The following CHD6 variants were observed in gnomAD, a reference collection of about 807,000 sequenced individuals.
The protein encoded by CHD6 is ATP-dependent chromatin remodeler CHD6.
CHD6 carries 50 observed loss-of-function variants against 276.9 expected under a neutral mutation model. The ratio of observed to expected loss-of-function variants is 0.18; its 90% confidence interval spans 0.14 to 0.23. CHD6 has a LOEUF of 0.23. Ranked by LOEUF, CHD6 falls within the 10% of genes least tolerant of loss-of-function variation. The pLI is 1.00. For missense variants in CHD6, 2,564 were observed against 3,365.8 expected, an observed-to-expected ratio of 0.76 and a Z score of 5.89; for synonymous variants, 1,173 against 1,229.3, an observed-to-expected ratio of 0.95 and a Z score of 0.96.
intron 1 of CHD6, among the ~76,000 whole-genome samples, chr20:41,565,666 T>TG (rs11467000): frequency 6.6e-6 from 1 of 152,080 alleles, no homozygotes; most frequent in African/African-American, 2.4e-5. Context: ...AATAATTAGA[T>TG]TTCCTGGATT....
intron 1 of CHD6, among the ~76,000 whole-genome samples, chr20:41,597,344 C>T (rs540894009): frequency 6.6e-5 from 10 of 152,244 alleles, no homozygotes; most frequent in African/African-American, 2.4e-4. Flanking sequence ...TATTTAAATT[C>T]CACTACGGAC....
Position 41,473,203 on chromosome 20 carries a change from T to TC in CHD6, c.2664+118dup, listed in dbSNP as rs1327137267. 1 of 909,728 alleles carries TC rather than the reference T, an allele frequency of 1.1e-6. No homozygotes were observed. The highest frequency in any genetic ancestry group is 1.7e-5 in the African/African-American group (1 of 60,068). 56.4% of individuals were successfully genotyped at this position (909,728 alleles called of 1,614,324 possible). A position where few individuals can be genotyped will look rare whatever the true frequency, so the allele number is the denominator to read the frequency against. On this transcript the variant is annotated intron_variant, in intron 17 of 36. Coordinates refer to ENST00000373233, the MANE Select transcript of CHD6 (RefSeq NM_032221.5). This position sits in a 1 kb window ranked among gnomAD's most constrained non-coding sequence, Gnocchi z 4.1. ...CCCCCTGACCAAGGCCCTAAGCCTGTCATCCAGCTGACACCATAGCATAGA... is the reference window on the plus strand; with the variant it reads ...CCCCCTGACCAAGGCCCTAAGCCTGTCCATCCAGCTGACACCATAGCATAGA...
intron 1 of CHD6, among the ~76,000 whole-genome samples, chr20:41,552,953 T>C (rs2045168229): frequency 6.6e-6 from 1 of 152,212 alleles, no homozygotes; most frequent in African/African-American, 2.4e-5. Flanking sequence ...TAGTGTTTGA[T>C]AGGACAGTTA....
intron 1 of CHD6, among the ~76,000 whole-genome samples, 172 bp downstream of exon 1, chr20:41,618,168 G>C (rs2045954690): frequency 1.3e-5 from 2 of 150,622 alleles, no homozygotes; most frequent in South Asian, 4.1e-4. Flanking sequence ...CCCGCCCGCC[G>C]GCCCCGCTCG....
At chr20:41,505,534 C>T (rs768474528) in intron 5 of CHD6, among the ~76,000 whole-genome samples, 15 of 152,166 alleles carry the variant, frequency 9.9e-5, no homozygotes, top group Non-Finnish European at 1.6e-4. Flanking sequence ...AGCCAGCCAT[C>T]GTCAGCCCAC....
At chr20:41,544,907 C>G (rs1232150842) in intron 2 of CHD6, among the ~76,000 whole-genome samples, 3 of 152,058 alleles carry the variant, frequency 2.0e-5, no homozygotes, top group Admixed American at 2.0e-4. Context: ...AATAAATGTA[C>G]TGGCAAACTA....
In CHD6 at chr20:41,415,370, A is replaced by C. The variant is rs2145421416; in HGVS notation, c.6755T>G (p.Leu2252Arg). Residue 2252 changes from leucine (L) to arginine (R), a missense_variant, in exon 34 of 37, where the codon CTT becomes CGT. Physicochemically the swap from Leu to Arg is moderately radical, Grantham distance 102. Transcript: ENST00000373233. ...CAGAATCCCAGACAAGTCCATGCCA[A>C]GGGCTCCCTGAAGTGAACTGATAGC... is the stretch of plus-strand genomic sequence containing the variant. ...IGAISSLQGA[L>R]GMDLSGILQA... 6.2e-7 allele frequency: 1 copy of C among 1,614,074 alleles called. No individual in the cohort carries two copies.
intron 3 of CHD6, among the ~76,000 whole-genome samples, chr20:41,532,553 A>G (rs2044713265): frequency 6.6e-6 from 1 of 152,206 alleles, no homozygotes; most frequent in African/African-American, 2.4e-5. Context: ...TAACATTTTA[A>G]TTCTTTTTAG....
chr20:41,451,127 G>A (rs777288601), intron 22 of CHD6, 22 bp from the exon 23 acceptor site: 13 of 1,608,960 alleles, frequency 8.1e-6, no homozygotes, highest in Admixed American at 5.0e-5. Context: ...AGACAGCATA[G>A]GGCAAGTGGA....
intron 16 of CHD6, among the ~76,000 whole-genome samples, chr20:41,474,983 A>C (rs914937818): frequency 1.3e-5 from 2 of 152,220 alleles, no homozygotes; most frequent in African/African-American, 4.8e-5. Context: ...AAGAATAATA[A>C]ATGAGAACTA....
intron 3 of CHD6, among the ~76,000 whole-genome samples, chr20:41,528,849 T>C (rs1434749251): frequency 6.6e-6 from 1 of 152,228 alleles, no homozygotes; most frequent in East Asian, 1.9e-4. Context: ...TGTTCAATAA[T>C]CTGCTTGTTG....
chr20:41,567,362 ACT>A (rs1487801363), intron 1 of CHD6, among the ~76,000 whole-genome samples: 1 of 152,112 alleles, frequency 6.6e-6, no homozygotes, highest in African/African-American at 2.4e-5. Context: ...GCATACACAC[ACT>A]GTTTATGATT....
intron 1 of CHD6, among the ~76,000 whole-genome samples, chr20:41,578,802 G>A (rs562386546): frequency 6.6e-6 from 1 of 151,974 alleles, no homozygotes; most frequent in South Asian, 2.1e-4. Context: ...GCTGAGGTGG[G>A]AGGATCACTT....
At chr20:41,551,180 A>G in intron 2 of CHD6, 125 bp downstream of exon 2, 1 of 692,450 alleles carries the variant, frequency 1.4e-6, no homozygotes, top group South Asian at 1.6e-5. Flanking sequence ...CTCAGTTACT[A>G]TAATACAGGC....
chr20:41,456,214 C>G (rs1273591543), intron 18 of CHD6, among the ~76,000 whole-genome samples: 2 of 151,920 alleles, frequency 1.3e-5, no homozygotes, highest in Non-Finnish European at 2.9e-5. Context: ...ATCCAAGGTC[C>G]CTAACATTCT....
intron 31 of CHD6, among the ~76,000 whole-genome samples, chr20:41,419,708 G>A (rs1376116070): frequency 6.6e-6 from 1 of 151,888 alleles, no homozygotes; most frequent in African/African-American, 2.4e-5. Flanking sequence ...CAGTGGACCA[G>A]GCATGAAAGG....
At position 41,579,129 on chromosome 20, in the gene CHD6, CAAAAAAAA is replaced by C. The variant is rs58395642; in HGVS notation, c.-23-27777_-23-27770del. Among the ~76,000 whole-genome samples, 5 of 42,826 alleles carry C rather than the reference CAAAAAAAA, an allele frequency of 1.2e-4. No homozygotes were observed. In the East Asian group the frequency reaches 1.9e-3, roughly 16 times the overall value. 28.1% of individuals were successfully genotyped at this position (42,826 alleles called of 152,430 possible). The stretch of plus-strand genomic sequence containing the variant: ...TGGGCAACAGAACGAGACTCCATCT[CAAAAAAAA>C]AAAAAAAAAAAAAAAAGTGCCAGGT... On this transcript the variant is annotated intron_variant, in intron 1 of 36. Transcript: ENST00000373233.
At chr20:41,613,243 A>G (rs917476536) in intron 1 of CHD6, among the ~76,000 whole-genome samples, 1 of 152,236 alleles carries the variant, frequency 6.6e-6, no homozygotes, top group Non-Finnish European at 1.5e-5. Context: ...GCTTCTTTTA[A>G]TTCTTCTTCT....
At chr20:41,577,659 TAAACA>T (rs1384996006) in intron 1 of CHD6, among the ~76,000 whole-genome samples, 3 of 152,304 alleles carry the variant, frequency 2.0e-5, no homozygotes, top group African/African-American at 7.2e-5. Flanking sequence ...GCAAACACAA[TAAACA>T]AAACAAATAT....
Sources: allele counts gnomAD v4.1 joint callset (sites outside exome capture counted in the v4.1 genomes callset), GRCh38; gene constraint gnomAD v4.1.1; non-coding constraint Gnocchi (gnomAD v3.1); transcripts MANE v1.5; gene names NCBI Gene and HGNC (gene_info 2026-07-23, HGNC 2026-07-21).